Variants in LYPD6 observed in about 807,000 individuals in gnomAD.
The protein encoded by LYPD6 is ly6/PLAUR domain-containing protein 6.
In LYPD6, 15 loss-of-function variants were observed where a neutral mutation model predicts 22.7. The observed-to-expected ratio is 0.66, with a 90% CI of 0.44 to 1.02. The LOEUF (loss-of-function observed/expected upper bound fraction) is 1.02, where lower values mean the gene tolerates loss of function less well. Among genes scored for constraint, LYPD6 ranks in the 50% least tolerant of loss-of-function variants. LYPD6 has a pLI of 0.00. For synonymous variants in LYPD6, 72 were observed against 77.5 expected (o/e 0.93, Z 0.37); for missense variants, 189 against 208.4 (o/e 0.91, Z 0.57).
In LYPD6 at chr2:149,350,695, G is replaced by A. The variant is rs566249935; in HGVS notation, c.-72+19973G>A. On this transcript the variant is annotated intron_variant, in intron 1 of 4. Transcript: ENST00000334166. Reference sequence around the variant, plus strand: ...TACTTGAAGTGTGGTTAGTACAGTTGAGGAACGAATTTTAAGTTGATTTCA... The same window carrying A: ...TACTTGAAGTGTGGTTAGTACAGTTAAGGAACGAATTTTAAGTTGATTTCA... 1.4e-4 allele frequency among the ~76,000 whole-genome samples: 22 copies of A among 152,356 alleles called. No homozygotes were observed. The South Asian group carries it at 2.9e-3, about 20-fold the overall frequency.
chr2:149,475,118 T>G (rs1681428317), downstream of LYPD6, among the ~76,000 whole-genome samples: 1 of 152,220 alleles, frequency 6.6e-6, no homozygotes, highest in Admixed American at 6.5e-5. Context: ...AAACAAAATT[T>G]AGGGCATGCG....
intron 1 of LYPD6, among the ~76,000 whole-genome samples, chr2:149,387,449 T>TA (rs1682212909): frequency 2.0e-5 from 3 of 152,232 alleles, no homozygotes; most frequent in Non-Finnish European, 2.9e-5. Flanking sequence ...CACTGACTGG[T>TA]ATGTTAATTT....
At chr2:149,367,795 C>T (rs1003387378) in intron 1 of LYPD6, 14 of 152,294 alleles carry the variant, frequency 9.2e-5, no homozygotes, top group African/African-American at 3.4e-4. Context: ...GAAGAGGCTT[C>T]CGAGCTCCAG....
At chr2:149,430,634 T>G (rs532954056) in intron 1 of LYPD6, among the ~76,000 whole-genome samples, 15 of 152,354 alleles carry the variant, frequency 9.8e-5, no homozygotes, top group African/African-American at 3.6e-4. Context: ...TGCTCTTGTA[T>G]TAGGCATTTT....
At position 149,437,689 on chromosome 2, in the gene LYPD6, G is replaced by A. The variant is rs1316229900; in HGVS notation, c.-20G>A. 6.2e-7 allele frequency: 1 copy of A among 1,613,776 alleles called. No individual in the cohort carries two copies. The highest frequency in any genetic ancestry group is 8.5e-7 in the Non-Finnish European group (1 of 1,179,960). On this transcript the variant is annotated 5_prime_UTR_variant, in exon 2 of 5. It removes an upstream start codon present in the reference 5' UTR. Transcript: ENST00000334166. ...GTGCCCACTCCCAGGCCCTCTGTAT[G>A]AGTGACACTTCAGTCTGCCATGGAA... is the stretch of plus-strand genomic sequence containing the variant.
At chr2:149,366,713 G>A (rs752183393) in intron 1 of LYPD6, among the ~76,000 whole-genome samples, 2 of 152,028 alleles carry the variant, frequency 1.3e-5, no homozygotes, top group Non-Finnish European at 2.9e-5. Context: ...CATTTATCAG[G>A]GCTCATAGAG....
chr2:149,444,185 C>T (rs993313309), intron 2 of LYPD6, among the ~76,000 whole-genome samples: 45 of 152,118 alleles, frequency 3.0e-4, no homozygotes, highest in African/African-American at 1.1e-3. Context: ...CCACCTGACT[C>T]GGCCTCCCAA....
chr2:149,435,318 T>G (rs1683406338), intron 1 of LYPD6, among the ~76,000 whole-genome samples: 1 of 152,232 alleles, frequency 6.6e-6, no homozygotes, highest in Non-Finnish European at 1.5e-5. Flanking sequence ...CTATCTTAAT[T>G]TTGTATTTTC....
At chr2:149,357,161 T>A (rs1425286522) in intron 1 of LYPD6, among the ~76,000 whole-genome samples, 1 of 152,222 alleles carries the variant, frequency 6.6e-6, no homozygotes, top group Admixed American at 6.5e-5. Flanking sequence ...TGGCTCCTAC[T>A]TAGTTATCTA....
intron 1 of LYPD6, among the ~76,000 whole-genome samples, chr2:149,382,974 A>G (rs577350520): frequency 6.6e-6 from 1 of 152,272 alleles, no homozygotes; most frequent in Admixed American, 6.5e-5. Flanking sequence ...AAAAATTTCA[A>G]ATGTCAATAT....
intron 1 of LYPD6, among the ~76,000 whole-genome samples, chr2:149,358,029 G>T (rs1038248583): frequency 6.6e-6 from 1 of 151,980 alleles, no homozygotes; most frequent in Non-Finnish European, 1.5e-5. Flanking sequence ...CAGGTGATCC[G>T]CCCGCTTCGG....
chr2:149,371,330 G>A (rs1344984758), intron 1 of LYPD6, among the ~76,000 whole-genome samples: 1 of 152,154 alleles, frequency 6.6e-6, no homozygotes, highest in Non-Finnish European at 1.5e-5. Flanking sequence ...GACCTGGAAG[G>A]TTTTCTTCCA....
At chr2:149,349,121 C>G (rs1295366487) in intron 1 of LYPD6, among the ~76,000 whole-genome samples, 1 of 151,916 alleles carries the variant, frequency 6.6e-6, no homozygotes, top group African/African-American at 2.4e-5. Flanking sequence ...TATTAGGCTT[C>G]TAAATGGAGA....
At chr2:149,423,074 T>G (rs1425418196) in intron 1 of LYPD6, among the ~76,000 whole-genome samples, 1 of 152,140 alleles carries the variant, frequency 6.6e-6, no homozygotes, top group Non-Finnish European at 1.5e-5. Flanking sequence ...TGAGCTGGGT[T>G]GGCAGTTGGA....
chr2:149,386,242 C>G (rs1292550621), intron 1 of LYPD6, among the ~76,000 whole-genome samples: 1 of 152,064 alleles, frequency 6.6e-6, no homozygotes, highest in Admixed American at 6.5e-5. Context: ...TCCTGTTGTA[C>G]CTAGATTTAG....
intron 1 of LYPD6, among the ~76,000 whole-genome samples, chr2:149,342,100 G>A (rs1277354832): frequency 6.6e-6 from 1 of 152,098 alleles, no homozygotes; most frequent in African/African-American, 2.4e-5. Flanking sequence ...TACCTTTTAG[G>A]TATTGAGGGT....
chr2:149,337,062 A>G (rs1681048782), intron 1 of LYPD6, among the ~76,000 whole-genome samples: 1 of 152,256 alleles, frequency 6.6e-6, no homozygotes, highest in Admixed American at 6.5e-5. Flanking sequence ...ATTCAAATCC[A>G]TAACTCAGGA....
intron 1 of LYPD6, among the ~76,000 whole-genome samples, chr2:149,389,235 TG>T (rs1270321379): frequency 6.6e-6 from 1 of 152,152 alleles, no homozygotes; most frequent in Non-Finnish European, 1.5e-5. Context: ...AGCTCTTTCA[TG>T]GCAAAAATAC....
intron 1 of LYPD6, among the ~76,000 whole-genome samples, chr2:149,393,613 C>T (rs1235204697): frequency 6.6e-6 from 1 of 152,160 alleles, no homozygotes; most frequent in African/African-American, 2.4e-5. Context: ...CTCCTGGCCC[C>T]TTGTGGGCAG....
Sources: allele counts gnomAD v4.1 joint callset (sites outside exome capture counted in the v4.1 genomes callset), GRCh38; gene constraint gnomAD v4.1.1; transcripts MANE v1.5; gene names NCBI Gene and HGNC (gene_info 2026-07-23, HGNC 2026-07-21).